The following RFX3 variants were observed in gnomAD, a reference collection of about 807,000 sequenced individuals.
RFX3 encodes the protein transcription factor RFX3.
In RFX3, 14 loss-of-function variants were observed where a neutral mutation model predicts 98.6. The observed-to-expected ratio is 0.14, with a 90% CI of 0.09 to 0.22. The LOEUF is 0.22. Ranked by LOEUF, RFX3 falls within the 10% of genes least tolerant of loss-of-function variation. RFX3 has a pLI of 1.00. For synonymous variants in RFX3, 383 were observed against 328.4 expected (o/e 1.17, Z -1.80); for missense variants, 639 against 926.9 (o/e 0.69, Z 4.03).
chr9:3,321,414 C>T (rs886549547), intron 4 of RFX3, among the ~76,000 whole-genome samples: 7 of 152,130 alleles, frequency 4.6e-5, no homozygotes, highest in Admixed American at 4.6e-4. Flanking sequence ...TTGAGAGTAC[C>T]TATTTCCTTG....
intron 1 of RFX3, among the ~76,000 whole-genome samples, chr9:3,418,309 T>G (rs550311904): frequency 6.6e-6 from 1 of 152,240 alleles, no homozygotes; most frequent in Non-Finnish European, 1.5e-5. Context: ...CAGTGCCTGA[T>G]GCATGGTAAG....
intron 1 of RFX3, among the ~76,000 whole-genome samples, chr9:3,445,553 G>C (rs1383080036): frequency 6.6e-6 from 1 of 152,044 alleles, no homozygotes; most frequent in Non-Finnish European, 1.5e-5. Flanking sequence ...GAAAAAATAA[G>C]GGCCATCTGA....
chr9:3,270,150 A>AG (rs1824241935), intron 11 of RFX3, among the ~76,000 whole-genome samples: 2 of 152,162 alleles, frequency 1.3e-5, no homozygotes, highest in African/African-American at 4.8e-5. Context: ...AAAAGGAGAA[A>AG]GAAAGAAAAA....
intron 1 of RFX3, among the ~76,000 whole-genome samples, chr9:3,492,983 C>A (rs1452041920): frequency 6.6e-6 from 1 of 151,974 alleles, no homozygotes; most frequent in African/African-American, 2.4e-5. Context: ...AGGATGGTTG[C>A]CCAGCCTGAA....
At chr9:3,512,257 T>C (rs1817730841) in intron 1 of RFX3, among the ~76,000 whole-genome samples, 1 of 152,042 alleles carries the variant, frequency 6.6e-6, no homozygotes, top group African/African-American at 2.4e-5. Context: ...TGATTCAAGG[T>C]TATTTCAATA....
intron 1 of RFX3, among the ~76,000 whole-genome samples, chr9:3,462,920 TA>T (rs1247756221): frequency 2.0e-5 from 3 of 152,108 alleles, no homozygotes; most frequent in African/African-American, 4.8e-5. Context: ...ATTAAAGACT[TA>T]AGTAAAGAAA....
chr9:3,256,856 G>A lies in RFX3; in HGVS notation c.1814+135C>T, dbSNP rs927153794. On this transcript the variant is annotated intron_variant, in intron 14 of 16. Coordinates refer to ENST00000617270, the MANE Select transcript of RFX3 (RefSeq NM_001282116.2). ...TAATCACTGAGTTGGGTTGAAGGTA[G>A]TTGTAACAGGGAGTTTCCACAAACT... 4 of 768,822 alleles carry A rather than the reference G, an allele frequency of 5.2e-6. No homozygotes were observed. The African/African-American group carries it at 6.9e-5, about 13-fold the overall frequency. 47.6% of individuals were successfully genotyped at this position (768,822 alleles called of 1,614,324 possible).
chr9:3,457,078 T>G (rs1028200426), intron 1 of RFX3, among the ~76,000 whole-genome samples: 1 of 140,678 alleles, frequency 7.1e-6, no homozygotes, highest in East Asian at 2.1e-4. Context: ...GAGGCAGCAG[T>G]TGCTGTGAAC....
chr9:3,358,013 C>G (rs888729260), intron 2 of RFX3, among the ~76,000 whole-genome samples: 1 of 151,970 alleles, frequency 6.6e-6, no homozygotes, highest in African/African-American at 2.4e-5. Flanking sequence ...TTCAGATTCT[C>G]AACTGGTTTT....
At chr9:3,327,022 G>T (rs2991309) in intron 4 of RFX3, among the ~76,000 whole-genome samples, 41,186 of 151,972 alleles carry the variant, frequency 0.27, 7,493 homozygotes, top group African/African-American at 0.52. Context: ...AAAGAACAGT[G>T]AGAAAAACTG....
At chr9:3,232,357 C>G (rs77053489) in intron 15 of RFX3, among the ~76,000 whole-genome samples, 3,149 of 152,248 alleles carry the variant, frequency 0.021, 116 homozygotes, top group African/African-American at 0.071. Flanking sequence ...TGAAGCTTTC[C>G]TGGCAGCCCT....
intron 1 of RFX3, among the ~76,000 whole-genome samples, chr9:3,434,126 A>T (rs1587665000): frequency 6.6e-6 from 1 of 152,154 alleles, no homozygotes; most frequent in South Asian, 2.1e-4. Flanking sequence ...TGACGATACT[A>T]TTCAGAGAAT....
At chr9:3,387,422 C>G (rs1839839720) in intron 2 of RFX3, among the ~76,000 whole-genome samples, 1 of 152,118 alleles carries the variant, frequency 6.6e-6, no homozygotes, top group South Asian at 2.1e-4. Context: ...TATTACTCAA[C>G]TACTTAAATA....
In RFX3 at chr9:3,219,331, T is replaced by C. The variant is rs922234926; in HGVS notation, c.*5711A>G. On this transcript the variant is annotated 3_prime_UTR_variant, in exon 17 of 17. Coordinates refer to ENST00000617270, the MANE Select transcript of RFX3 (RefSeq NM_001282116.2). ...ATGGGAGTTTTTATATTTTCTTTCC[T>C]CCCCAGAATCAAAATTCTTCTAAAG... The C allele has an allele frequency of 5.3e-5, 8 of 152,082 alleles. No homozygotes were observed. The highest frequency in any genetic ancestry group is 1.9e-4 in the African/African-American group (8 of 41,516). The allele number at this position is 152,082 out of a possible 1,614,324, so 9.4% of individuals were successfully genotyped here.
intron 1 of RFX3, among the ~76,000 whole-genome samples, chr9:3,512,793 C>T (rs1364941900): frequency 1.3e-5 from 2 of 152,024 alleles, no homozygotes; most frequent in Non-Finnish European, 1.5e-5. Context: ...ATTGTTCATT[C>T]AATAAATTAT....
At chr9:3,505,532 G>C (rs1416408094) in intron 1 of RFX3, among the ~76,000 whole-genome samples, 1 of 74,150 alleles carries the variant, frequency 1.3e-5, no homozygotes, top group Non-Finnish European at 3.3e-5. Context: ...ATGATAAAAG[G>C]GGGTAAAGAG....
At chr9:3,356,697 T>C (rs1373757898) in intron 2 of RFX3, among the ~76,000 whole-genome samples, 2 of 151,830 alleles carry the variant, frequency 1.3e-5, no homozygotes, top group Admixed American at 6.6e-5. Flanking sequence ...CAAACTAATG[T>C]CTCTCATAAA....
At chr9:3,411,136 A>G (rs1347371703) in intron 1 of RFX3, among the ~76,000 whole-genome samples, 1 of 152,228 alleles carries the variant, frequency 6.6e-6, no homozygotes, top group African/African-American at 2.4e-5. Context: ...CTCACAAACC[A>G]AATTTATAAG....
chr9:3,269,123 G>C (rs889714579), intron 11 of RFX3, among the ~76,000 whole-genome samples: 1 of 151,846 alleles, frequency 6.6e-6, no homozygotes, highest in Non-Finnish European at 1.5e-5. Flanking sequence ...TGTAGGTAGA[G>C]TAGAATATAT....
Sources: gnomAD v4.1 joint callset for allele counts (sites outside exome capture counted in the v4.1 genomes callset) on GRCh38, gnomAD v4.1.1 for gene constraint, MANE v1.5 for transcripts, NCBI Gene and HGNC (gene_info 2026-07-23, HGNC 2026-07-21) for gene names.